Variants in FAM114A1 observed in about 807,000 individuals in gnomAD.
FAM114A1 encodes family with sequence similarity 114 member A1.
A neutral mutation model predicts 64.3 loss-of-function variants in FAM114A1; 62 were observed. The ratio of observed to expected loss-of-function variants is 0.96; its 90% CI spans 0.79 to 1.19. FAM114A1 has a LOEUF of 1.19. Among genes scored for constraint, FAM114A1 ranks in the 50% most tolerant of loss-of-function variants. FAM114A1 has a pLI of 0.00. For synonymous variants in FAM114A1, 254 were observed against 251.1 expected (o/e 1.01, Z -0.11); for missense variants, 645 against 676.3 (o/e 0.95, Z 0.51).
chr4:38,936,095 TTTG>T (rs1449442140), intron 13 of FAM114A1, among the ~76,000 whole-genome samples: 2 of 149,348 alleles, frequency 1.3e-5, no homozygotes, highest in Non-Finnish European at 2.9e-5. Flanking sequence ...TTTTGTTTTT[TTTG>T]TTTTTTTTTT....
intron 9 of FAM114A1, among the ~76,000 whole-genome samples, chr4:38,927,020 A>G (rs732056): frequency 0.54 from 81,451 of 151,880 alleles, 22,507 homozygotes; most frequent in East Asian, 0.72. Context: ...CTCCCTGCGC[A>G]CACCTGCCTC....
chr4:38,920,799 A>G (rs1174073801), intron 8 of FAM114A1, among the ~76,000 whole-genome samples: 1 of 152,226 alleles, frequency 6.6e-6, no homozygotes, highest in African/African-American at 2.4e-5. Context: ...TGAGTGTGCG[A>G]GCTGAAATGA....
chr4:38,906,427 C>A (rs570524990), intron 6 of FAM114A1, among the ~76,000 whole-genome samples: 75 of 152,226 alleles, frequency 4.9e-4, no homozygotes, highest in South Asian at 2.5e-3. Context: ...GAAGAAGCTC[C>A]ATATTAGCAG....
chr4:38,918,772 A>C (rs1356921673), intron 8 of FAM114A1, among the ~76,000 whole-genome samples: 2 of 152,184 alleles, frequency 1.3e-5, no homozygotes, highest in Admixed American at 1.3e-4. Context: ...TAGCCTGACC[A>C]ACATGGCAAA....
rs986019790 is a variant in FAM114A1 at position 38,874,988 on chromosome 4, T to C, written c.-8-3083T>C. ...TGTCAAAGATCAGATGGTTTAGGTG[T>C]GTGGCTTTATTTCAGAGTTCTCTAT... On this transcript the variant is annotated intron_variant, in intron 2 of 14. Coordinates refer to ENST00000358869, the MANE Select transcript of FAM114A1 (RefSeq NM_138389.4). Among the ~76,000 whole-genome samples the C allele has an allele frequency of 4.6e-5, 7 of 152,296 alleles. No homozygotes were observed. The South Asian group carries it at 1.5e-3, about 32-fold the overall frequency.
intron 8 of FAM114A1, among the ~76,000 whole-genome samples, chr4:38,915,682 A>G (rs1718973639): frequency 1.3e-5 from 2 of 151,844 alleles, no homozygotes; most frequent in South Asian, 4.2e-4. Flanking sequence ...CCAGGAAAAC[A>G]AAAGATGAAT....
chr4:38,928,786 T>G (rs1000548899), intron 9 of FAM114A1, among the ~76,000 whole-genome samples: 1 of 152,168 alleles, frequency 6.6e-6, no homozygotes, highest in Non-Finnish European at 1.5e-5. Flanking sequence ...TCTGTGGACA[T>G]AAAAGGGCAC....
At chr4:38,895,257 T>C (rs1716813839) in intron 4 of FAM114A1, among the ~76,000 whole-genome samples, 1 of 152,240 alleles carries the variant, frequency 6.6e-6, no homozygotes, top group Non-Finnish European at 1.5e-5. Context: ...TTTGAAGTTG[T>C]AGGACTGAGG....
chr4:38,868,025 C>T, intron 1 of FAM114A1, 191 bp downstream of exon 1: 2 of 421,930 alleles, frequency 4.7e-6, no homozygotes, highest in Non-Finnish European at 9.6e-6. Flanking sequence ...TGGGGCGGCG[C>T]GGCCGAGGGA....
At chr4:38,918,596 A>C (rs1719295724) in intron 8 of FAM114A1, among the ~76,000 whole-genome samples, 1 of 152,248 alleles carries the variant, frequency 6.6e-6, no homozygotes, top group South Asian at 2.1e-4. Flanking sequence ...TGTTTATCTG[A>C]AATTCAAGCT....
intron 4 of FAM114A1, among the ~76,000 whole-genome samples, chr4:38,897,945 CAA>C (rs753488843): frequency 1.1e-4 from 13 of 120,230 alleles, no homozygotes; most frequent in Admixed American, 8.8e-5. Flanking sequence ...GACTCTGTTT[CAA>C]AAAAAAAAAA....
At chr4:38,941,267 CTG>C (rs1244489596) in intron 14 of FAM114A1, among the ~76,000 whole-genome samples, 3 of 152,234 alleles carry the variant, frequency 2.0e-5, no homozygotes, top group African/African-American at 7.2e-5. Context: ...ATTTCTGTCA[CTG>C]TTTCCTCCAG....
chr4:38,911,507 G>A (rs933440523), intron 7 of FAM114A1, among the ~76,000 whole-genome samples: 1 of 152,224 alleles, frequency 6.6e-6, no homozygotes, highest in Non-Finnish European at 1.5e-5. Context: ...TTCAATTGCT[G>A]TTATCTAAAC....
At chr4:38,875,714 T>C (rs1187237194) in intron 2 of FAM114A1, among the ~76,000 whole-genome samples, 1 of 152,158 alleles carries the variant, frequency 6.6e-6, no homozygotes, top group Non-Finnish European at 1.5e-5. Context: ...GTAGTAAGAG[T>C]GGGTATCCTC....
intron 3 of FAM114A1, among the ~76,000 whole-genome samples, chr4:38,882,714 C>G (rs60900771): frequency 1.6e-3 from 236 of 151,852 alleles, no homozygotes; most frequent in African/African-American, 5.5e-3. Flanking sequence ...ACTTCTAAGG[C>G]ACATTAGATT....
At chr4:38,876,985 A>G (rs1714708581) in intron 2 of FAM114A1, among the ~76,000 whole-genome samples, 1 of 152,194 alleles carries the variant, frequency 6.6e-6, no homozygotes. Context: ...GCCAACTCAG[A>G]TGATCTAAAA....
At chr4:38,880,762 T>G (rs577351213) in intron 3 of FAM114A1, among the ~76,000 whole-genome samples, 1 of 152,210 alleles carries the variant, frequency 6.6e-6, no homozygotes, top group East Asian at 1.9e-4. Flanking sequence ...AAATATAACT[T>G]AGCCACACCA....
intron 2 of FAM114A1, among the ~76,000 whole-genome samples, chr4:38,877,824 C>T (rs566378329): frequency 5.9e-5 from 9 of 152,202 alleles, no homozygotes; most frequent in East Asian, 1.9e-4. Flanking sequence ...ATAAGCCAGG[C>T]GTCGTGGCAC....
intron 14 of FAM114A1, 98 bp from the exon 15 acceptor site, chr4:38,943,358 G>A (rs1209682093): frequency 3.0e-6 from 3 of 987,808 alleles, no homozygotes; most frequent in Non-Finnish European, 4.8e-6. Flanking sequence ...ATCCAATATG[G>A]GGGGTGGGTT....
Sources: allele counts gnomAD v4.1 joint callset (sites outside exome capture counted in the v4.1 genomes callset), GRCh38; gene constraint gnomAD v4.1.1; transcripts MANE v1.5; gene names NCBI Gene and HGNC (gene_info 2026-07-23, HGNC 2026-07-21).